The following NOL4L variants were observed in gnomAD, a reference collection of about 807,000 sequenced individuals.
NOL4L encodes nucleolar protein 4-like.
Under a neutral mutation model 64.5 loss-of-function variants are expected in NOL4L, and 7 were observed. The ratio of observed to expected loss-of-function variants is 0.11; its 90% CI spans 0.06 to 0.20. NOL4L has a LOEUF of 0.20. Among genes scored for constraint, NOL4L ranks in the 10% least tolerant of loss-of-function variants. The pLI, the probability that NOL4L is intolerant of heterozygous loss-of-function variation, is 1.00. For missense variants in NOL4L, 680 were observed against 967.1 expected (o/e 0.70, Z 3.94); for synonymous variants, 413 against 401.0 (o/e 1.03, Z -0.36).
At chr20:32,526,966 G>C (rs945477797) in intron 2 of NOL4L, among the ~76,000 whole-genome samples, 1 of 152,176 alleles carries the variant, frequency 6.6e-6, no homozygotes, top group Non-Finnish European at 1.5e-5. Flanking sequence ...GGGGCCTCTG[G>C]TCTGGCCAGT....
intron 5 of NOL4L, among the ~76,000 whole-genome samples, chr20:32,461,574 C>G (rs2014069418): frequency 6.6e-6 from 1 of 151,416 alleles, no homozygotes; most frequent in South Asian, 2.1e-4. Context: ...AGGCGCCCAC[C>G]ACCACGCCTG....
intron 4 of NOL4L, among the ~76,000 whole-genome samples, chr20:32,494,274 A>AAAC (rs1568655130): frequency 7.8e-6 from 1 of 128,510 alleles, no homozygotes; most frequent in African/African-American, 3.0e-5. Flanking sequence ...AAAAAAAAAA[A>AAAC]AAAAAAAACA....
At chr20:32,481,973 G>C (rs960693300) in intron 4 of NOL4L, among the ~76,000 whole-genome samples, 3 of 150,038 alleles carry the variant, frequency 2.0e-5, no homozygotes. Flanking sequence ...GCGGGGGGGG[G>C]GGAGCAGGCT....
chr20:32,468,629 G>T (rs58088631), intron 5 of NOL4L, among the ~76,000 whole-genome samples: 1 of 152,122 alleles, frequency 6.6e-6, no homozygotes, highest in Non-Finnish European at 1.5e-5. Flanking sequence ...GGCCAAGCAC[G>T]GTGGCTCACG....
intron 4 of NOL4L, chr20:32,475,152 T>C (rs2015307244): frequency 1.0e-6 from 1 of 985,324 alleles, no homozygotes; most frequent in Admixed American, 6.1e-5. Flanking sequence ...CAGCAGCACA[T>C]GCCCGCCACC....
At chr20:32,580,008 C>T (rs1568724676) in intron 1 of NOL4L, among the ~76,000 whole-genome samples, 1 of 152,190 alleles carries the variant, frequency 6.6e-6, no homozygotes, top group Non-Finnish European at 1.5e-5. Context: ...ACCTCTTGAC[C>T]AGAGGGATGC....
At chr20:32,458,799 G>A (rs2013786073) in intron 5 of NOL4L, among the ~76,000 whole-genome samples, 1 of 152,230 alleles carries the variant, frequency 6.6e-6, no homozygotes, top group Non-Finnish European at 1.5e-5. Flanking sequence ...GCTGGCTGCA[G>A]TGCCACACCC....
chr20:32,482,103 A>G (rs2015764384), intron 4 of NOL4L, among the ~76,000 whole-genome samples: 1 of 152,216 alleles, frequency 6.6e-6, no homozygotes, highest in East Asian at 1.9e-4. Flanking sequence ...TTTCAGGTGA[A>G]ATCAGGAGGT....
At chr20:32,537,506 A>AGAGCTGAAGCGTT (rs1036761998) in intron 1 of NOL4L, among the ~76,000 whole-genome samples, 1 of 152,214 alleles carries the variant, frequency 6.6e-6, no homozygotes, top group Non-Finnish European at 1.5e-5. Flanking sequence ...AAGGCACAGA[A>AGAGCTGAAGCGTT]GAGCTGAAGC....
chr20:32,550,680 G>A (rs1218980091), intron 1 of NOL4L, among the ~76,000 whole-genome samples: 1 of 152,170 alleles, frequency 6.6e-6, no homozygotes, highest in African/African-American at 2.4e-5. Context: ...AGGAGTTGGA[G>A]ACCAGACTGA....
At chr20:32,565,928 T>C (rs1979399851) in intron 1 of NOL4L, among the ~76,000 whole-genome samples, 1 of 151,834 alleles carries the variant, frequency 6.6e-6, no homozygotes, top group African/African-American at 2.4e-5. Flanking sequence ...TGATGTGCCC[T>C]GTAGTGCCAG....
At chr20:32,549,511 G>A (rs1480757075) in intron 1 of NOL4L, among the ~76,000 whole-genome samples, 1 of 152,180 alleles carries the variant, frequency 6.6e-6, no homozygotes, top group Non-Finnish European at 1.5e-5. Flanking sequence ...CTAGCACTTT[G>A]AGAGGCCGAG....
rs1243000229 is a variant in NOL4L, at chr20:32,494,267, AAAAAAAAAAAAAAAAC to A, written c.699+17064_699+17079del. On this transcript the variant is annotated intron_variant, in intron 4 of 10. Transcript: ENST00000621426. The stretch of plus-strand genomic sequence containing the variant: ...GATAATCTCGGGAAAAAAAAAAAAA[AAAAAAAAAAAAAAAAC>A]ACACAACACACACACACACACAAAC... Among the ~76,000 whole-genome samples, 13 of 141,778 alleles carry A rather than the reference AAAAAAAAAAAAAAAAC, an allele frequency of 9.2e-5. 1 individual carries two copies. Among genetic ancestry groups the A allele is most frequent in the Admixed American group, 2.1e-4 (3 of 14,560 alleles). 93.0% of individuals were successfully genotyped at this position (141,778 alleles called of 152,430 possible).
chr20:32,576,599 G>A (rs1568722955), intron 1 of NOL4L, among the ~76,000 whole-genome samples: 1 of 152,174 alleles, frequency 6.6e-6, no homozygotes. Flanking sequence ...CATCTGCAGG[G>A]GAGGAGCTCC....
intron 4 of NOL4L, among the ~76,000 whole-genome samples, chr20:32,503,757 C>T (rs2017018044): frequency 6.6e-6 from 1 of 152,178 alleles, no homozygotes; most frequent in Non-Finnish European, 1.5e-5. Context: ...TCCTCACCTC[C>T]CCAATGGCAG....
At chr20:32,583,548 G>A (rs1342365165) in intron 1 of NOL4L, among the ~76,000 whole-genome samples, 2 of 149,916 alleles carry the variant, frequency 1.3e-5, no homozygotes, top group Non-Finnish European at 3.0e-5. Flanking sequence ...GAGGGCGGGG[G>A]GAGGCCGGCG....
At chr20:32,539,683 T>G (rs2018619079) in intron 1 of NOL4L, among the ~76,000 whole-genome samples, 1 of 152,244 alleles carries the variant, frequency 6.6e-6, no homozygotes, top group Non-Finnish European at 1.5e-5. Context: ...TCTGTCTCTC[T>G]TCTTAACTGG....
chr20:32,468,828 G>A (rs1358846502), intron 5 of NOL4L, among the ~76,000 whole-genome samples: 2 of 150,256 alleles, frequency 1.3e-5, no homozygotes, highest in African/African-American at 4.9e-5. Context: ...GAACCTGGAA[G>A]GCGGAGGTTG....
At chr20:32,576,704 C>A (rs1406430172) in intron 1 of NOL4L, among the ~76,000 whole-genome samples, 2 of 152,206 alleles carry the variant, frequency 1.3e-5, no homozygotes, top group Non-Finnish European at 2.9e-5. Flanking sequence ...GCCGTCTCCC[C>A]ACTCCCCACG....
Sources: gnomAD v4.1 joint callset for allele counts (sites outside exome capture counted in the v4.1 genomes callset) on GRCh38, gnomAD v4.1.1 for gene constraint, MANE v1.5 for transcripts, NCBI Gene and HGNC (gene_info 2026-07-23, HGNC 2026-07-21) for gene names.